GPAM: variants seen among roughly 807,000 people sequenced by gnomAD.
GPAM encodes the protein glycerol-3-phosphate acyltransferase 1, mitochondrial.
GPAM carries 56 observed loss-of-function variants against 105.0 expected under a neutral mutation model. The ratio of observed to expected loss-of-function variants is 0.53; its 90% CI spans 0.43 to 0.67. The LOEUF (loss-of-function observed/expected upper bound fraction) is 0.67. Among genes scored for constraint, GPAM ranks in the 30% least tolerant of loss-of-function variants. The probability of loss-of-function intolerance (pLI) is 0.00; values close to 1 mark genes in which losing one functional copy is unlikely to be tolerated. For synonymous variants in GPAM, 368 were observed against 354.4 expected, an observed-to-expected ratio of 1.04 and a Z score of -0.43; for missense variants, 855 against 989.8, an observed-to-expected ratio of 0.86 and a Z score of 1.83.
At chr10:112,181,457 T>G (rs1847506260) in intron 3 of GPAM, among the ~76,000 whole-genome samples, 1 of 152,180 alleles carries the variant, frequency 6.6e-6, no homozygotes, top group Non-Finnish European at 1.5e-5. Flanking sequence ...CTATGCAAAA[T>G]GATTATTTTG....
At chr10:112,171,640 C>T (rs1041473666) in intron 9 of GPAM, among the ~76,000 whole-genome samples, 1 of 152,210 alleles carries the variant, frequency 6.6e-6, no homozygotes, top group Admixed American at 6.5e-5. Flanking sequence ...CTGTATCTCT[C>T]CGCATTTGCA....
chr10:112,183,869 C>A (rs572803089), upstream of GPAM: 1 of 152,370 alleles, frequency 6.6e-6, no homozygotes, highest in African/African-American at 2.4e-5. Context: ...TGAGCGGATC[C>A]GAGGGTGTAA....
At chr10:112,202,614 C>T (rs1386773225) in intron 1 of GPAM, among the ~76,000 whole-genome samples, 1 of 152,164 alleles carries the variant, frequency 6.6e-6, no homozygotes, top group Non-Finnish European at 1.5e-5. Flanking sequence ...AGGTTCCATT[C>T]GCATTGTAGT....
chr10:112,160,409 C>T, intron 16 of GPAM, 195 bp downstream of exon 16: 2 of 926,728 alleles, frequency 2.2e-6, no homozygotes, highest in Non-Finnish European at 2.6e-6. Flanking sequence ...TAATGCTATA[C>T]AAACGGTAAT....
At chr10:112,227,062 C>G in the GPAM span, among the ~76,000 whole-genome samples, 1 of 152,180 alleles carries the variant, frequency 6.6e-6, no homozygotes, top group South Asian at 2.1e-4. Context: ...CAGCTTTTCT[C>G]CCAACACCGT....
At chr10:112,224,291 A>G in the GPAM span, among the ~76,000 whole-genome samples, 2 of 152,186 alleles carry the variant, frequency 1.3e-5, no homozygotes, top group Non-Finnish European at 2.9e-5. Flanking sequence ...TTCATACACA[A>G]TGATCATGGT....
chr10:112,162,890 G>A (rs973021753), intron 14 of GPAM, among the ~76,000 whole-genome samples: 1 of 152,044 alleles, frequency 6.6e-6, no homozygotes, highest in African/African-American at 2.4e-5. Context: ...AATCAAATGT[G>A]CTTGAGAAAG....
chr10:112,161,449 T>C (rs1847121501), intron 15 of GPAM, among the ~76,000 whole-genome samples: 1 of 152,252 alleles, frequency 6.6e-6, no homozygotes, highest in African/African-American at 2.4e-5. Context: ...AGCTTAGTAC[T>C]ATATATATTA....
upstream of GPAM, among the ~76,000 whole-genome samples, chr10:112,215,836 A>C (rs1847961659): frequency 6.6e-6 from 1 of 152,110 alleles, no homozygotes. Flanking sequence ...GGTTGTGGAG[A>C]GATGTTGGAG....
chr10:112,222,145 C>T, the GPAM span, among the ~76,000 whole-genome samples: 2 of 152,074 alleles, frequency 1.3e-5, no homozygotes, highest in East Asian at 3.9e-4. Context: ...TATTCAGGTG[C>T]TTTATAATTT....
intron 14 of GPAM, among the ~76,000 whole-genome samples, chr10:112,162,455 G>A (rs987577754): frequency 4.6e-5 from 7 of 152,070 alleles, no homozygotes; most frequent in Admixed American, 4.6e-4. Context: ...ATTTGAGAAT[G>A]ACTACAGTGC....
chr10:112,171,598 A>T (rs948353897), intron 9 of GPAM, among the ~76,000 whole-genome samples: 2 of 151,908 alleles, frequency 1.3e-5, no homozygotes, highest in Admixed American at 6.6e-5. Context: ...ACCTTACCCA[A>T]TTGTCCATCA....
intron 5 of GPAM, among the ~76,000 whole-genome samples, chr10:112,176,483 C>G (rs1162596931): frequency 6.6e-6 from 1 of 152,158 alleles, no homozygotes; most frequent in Non-Finnish European, 1.5e-5. Context: ...TTCAGTAACT[C>G]TGAAAAGACC....
Position 112,169,272 on chromosome 10 carries a change from A to G in GPAM, c.795-320T>C, listed in dbSNP as rs1847273052. ...TTAAGAGGATTATAGAACACTTCTA[A>G]ATTTTAAAATCCTGCCCAGGGTCTC... On this transcript the variant is annotated intron_variant, in intron 9 of 21. Coordinates refer to ENST00000348367, the MANE Select transcript of GPAM (RefSeq NM_001244949.2). 2.0e-5 allele frequency among the ~76,000 whole-genome samples: 3 copies of G among 152,188 alleles called. No homozygotes were observed. The South Asian group carries it at 6.2e-4, about 31-fold the overall frequency.
intron 1 of GPAM, among the ~76,000 whole-genome samples, chr10:112,199,089 ATGTGTGTGTGTGTGTG>A (rs34627276): frequency 7.4e-6 from 1 of 134,892 alleles, no homozygotes; most frequent in South Asian, 2.7e-4. Context: ...CGCCTGGCTA[ATGTGTGTGTGTGTGTG>A]TGTGTGTGTG....
chr10:112,211,153 A>C (rs1589612984), intron 1 of GPAM, among the ~76,000 whole-genome samples: 1 of 152,094 alleles, frequency 6.6e-6, no homozygotes, highest in East Asian at 1.9e-4. Context: ...AGCTGGGGGA[A>C]GTAGGAGGGA....
intron 17 of GPAM, among the ~76,000 whole-genome samples, chr10:112,158,773 CT>C (rs2133230078): frequency 6.6e-6 from 1 of 152,278 alleles, no homozygotes; most frequent in Admixed American, 6.5e-5. Flanking sequence ...ATAATAAATA[CT>C]GTACACAAAA....
At chr10:112,165,773 T>C (rs1847205095) in intron 12 of GPAM, among the ~76,000 whole-genome samples, 1 of 152,174 alleles carries the variant, frequency 6.6e-6, no homozygotes, top group Non-Finnish European at 1.5e-5. Flanking sequence ...AAGATATAAA[T>C]ACGTATTATA....
At chr10:112,172,478 T>C (rs1383852148) in intron 8 of GPAM, among the ~76,000 whole-genome samples, 160 bp from the exon 9 acceptor site, 10 of 152,210 alleles carry the variant, frequency 6.6e-5, no homozygotes, top group Admixed American at 6.5e-4. Context: ...TGTAATACTT[T>C]CTGAGCTAAA....
Sources: gnomAD v4.1 joint callset for allele counts (sites outside exome capture counted in the v4.1 genomes callset) on GRCh38, gnomAD v4.1.1 for gene constraint, MANE v1.5 for transcripts, NCBI Gene and HGNC (gene_info 2026-07-23, HGNC 2026-07-21) for gene names.